Variants in ADGRL3 observed in about 807,000 individuals in gnomAD.
ADGRL3 encodes the protein calcium-independent alpha-latrotoxin receptor 3.
In ADGRL3, 62 loss-of-function variants were observed where a neutral mutation model predicts 153.5. The observed-to-expected ratio is 0.40, with a 90% CI of 0.33 to 0.50. The LOEUF is 0.50. Among genes scored for constraint, ADGRL3 ranks in the 20% least tolerant of loss-of-function variants. The pLI, the probability that ADGRL3 is intolerant of heterozygous loss-of-function variation, is 0.47. For missense variants in ADGRL3, 1,641 were observed against 1,859.4 expected (o/e 0.88, Z 2.16); for synonymous variants, 710 against 672.5 (o/e 1.06, Z -0.86).
chr4:61,964,459 A>C (rs1400009405), intron 17 of ADGRL3, among the ~76,000 whole-genome samples: 3 of 152,142 alleles, frequency 2.0e-5, no homozygotes, highest in Non-Finnish European at 4.4e-5. Context: ...TTTTCCTGAA[A>C]GAGAAATGTT....
At chr4:61,280,388 T>A (rs538281287) in intron 1 of ADGRL3, among the ~76,000 whole-genome samples, 89 of 149,334 alleles carry the variant, frequency 6.0e-4, no homozygotes, top group African/African-American at 2.0e-3. Context: ...ATTTCAGGCA[T>A]GAGCCACTGC....
At chr4:61,542,804 A>G (rs920677265) in intron 4 of ADGRL3, among the ~76,000 whole-genome samples, 1 of 152,174 alleles carries the variant, frequency 6.6e-6, no homozygotes, top group Non-Finnish European at 1.5e-5. Flanking sequence ...CCTTCACCTC[A>G]CATCCTCTCT....
At chr4:62,041,428 TTTA>T (rs2151636935) in intron 24 of ADGRL3, among the ~76,000 whole-genome samples, 1 of 152,206 alleles carries the variant, frequency 6.6e-6, no homozygotes, top group South Asian at 2.1e-4. Context: ...ATATTTGCTT[TTTA>T]TTATATAATA....
chr4:61,253,968 C>G (rs1285527452), intron 1 of ADGRL3, among the ~76,000 whole-genome samples: 1 of 152,108 alleles, frequency 6.6e-6, no homozygotes. Flanking sequence ...TAAGCCTCCA[C>G]CTATATGATT....
intron 1 of ADGRL3, among the ~76,000 whole-genome samples, chr4:61,317,566 T>C (rs775545730): frequency 1.3e-5 from 2 of 152,172 alleles, no homozygotes; most frequent in African/African-American, 4.8e-5. Context: ...AGGCCTATAA[T>C]AGTAGGTTTT....
chr4:61,659,910 A>AG (rs2094544996), intron 5 of ADGRL3, among the ~76,000 whole-genome samples: 1 of 151,174 alleles, frequency 6.6e-6, no homozygotes, highest in Non-Finnish European at 1.5e-5. Flanking sequence ...AAAAAAAAAA[A>AG]AAAAAAGCTG....
chr4:61,489,802 T>C (rs2098238171), intron 2 of ADGRL3, among the ~76,000 whole-genome samples: 1 of 152,048 alleles, frequency 6.6e-6, no homozygotes, highest in Non-Finnish European at 1.5e-5. Flanking sequence ...GTTTGAATAT[T>C]TAGGAGCAAT....
At chr4:61,844,577 T>A (rs375496518) in intron 9 of ADGRL3, among the ~76,000 whole-genome samples, 2,946 of 53,972 alleles carry the variant, frequency 0.055, 88 homozygotes, top group African/African-American at 0.08. Context: ...AAAAAAAAAA[T>A]ATATATATAT....
intron 1 of ADGRL3, among the ~76,000 whole-genome samples, chr4:61,353,916 C>A (rs564460069): frequency 6.6e-6 from 1 of 152,102 alleles, no homozygotes; most frequent in South Asian, 2.1e-4. Flanking sequence ...TACCATTTCC[C>A]TTACCATTTC....
chr4:61,222,852 T>C (rs975854070), intron 1 of ADGRL3, among the ~76,000 whole-genome samples: 4 of 152,170 alleles, frequency 2.6e-5, no homozygotes, highest in Non-Finnish European at 4.4e-5. Context: ...TCCTTAATTG[T>C]ATAAAAGGAA....
intron 2 of ADGRL3, chr4:61,385,919 GTATC>G (rs1357343670): frequency 6.6e-6 from 1 of 152,082 alleles, no homozygotes; most frequent in Admixed American, 6.6e-5. Flanking sequence ...GTATGTGTAT[GTATC>G]TATCTCTTTC....
chr4:61,779,660 A>AAAAGG (rs2097192503), intron 8 of ADGRL3, among the ~76,000 whole-genome samples: 1 of 145,520 alleles, frequency 6.9e-6, no homozygotes, highest in Admixed American at 6.8e-5. Context: ...AAAAAAAAAA[A>AAAAGG]GGGAGAGAAT....
At chr4:61,841,592 G>A (rs2098033566) in intron 9 of ADGRL3, among the ~76,000 whole-genome samples, 1 of 152,120 alleles carries the variant, frequency 6.6e-6, no homozygotes, top group African/African-American at 2.4e-5. Flanking sequence ...TCATACCTGA[G>A]GACAAATTCT....
chr4:61,478,937 C>T (rs947800898), intron 2 of ADGRL3, among the ~76,000 whole-genome samples: 5 of 151,988 alleles, frequency 3.3e-5, no homozygotes, highest in Admixed American at 2.0e-4. Flanking sequence ...CTAAAAAACT[C>T]TTAAGAGTTT....
intron 2 of ADGRL3, among the ~76,000 whole-genome samples, chr4:61,419,866 C>T (rs1412300291): frequency 6.6e-6 from 1 of 150,802 alleles, no homozygotes. Flanking sequence ...GCAATGTTGG[C>T]TCACTGCAGC....
chr4:61,628,062 A>G lies in ADGRL3; in HGVS notation c.473+40622A>G, dbSNP rs998700134. ...TAATAACATGATACACATTCTAATG[A>G]TAATGGTAATAGTAATAATAATAGC... On this transcript the variant is annotated intron_variant, in intron 5 of 26. Transcript: ENST00000683033. 2.0e-5 allele frequency among the ~76,000 whole-genome samples: 3 copies of G among 152,188 alleles called. 1 individual carries two copies. Among genetic ancestry groups the G allele is most frequent in the Non-Finnish European group, 1.5e-5 (1 of 68,048 alleles).
At chr4:62,025,351 G>A (rs1445506703) in intron 21 of ADGRL3, among the ~76,000 whole-genome samples, 1 of 152,050 alleles carries the variant, frequency 6.6e-6, no homozygotes, top group Non-Finnish European at 1.5e-5. Flanking sequence ...CTGTGACTAG[G>A]GGATTAGTAT....
chr4:61,886,512 G>A (rs2098539727), intron 9 of ADGRL3, among the ~76,000 whole-genome samples: 1 of 152,062 alleles, frequency 6.6e-6, no homozygotes, highest in Non-Finnish European at 1.5e-5. Context: ...AAACCATGAA[G>A]AAAGGTACAT....
intron 1 of ADGRL3, among the ~76,000 whole-genome samples, chr4:61,292,413 A>T (rs1397479425): frequency 6.6e-6 from 1 of 152,194 alleles, no homozygotes; most frequent in Non-Finnish European, 1.5e-5. Context: ...ACTACAACTT[A>T]TATGAAAGAG....
Sources: gnomAD v4.1 joint callset for allele counts (sites outside exome capture counted in the v4.1 genomes callset) on GRCh38, gnomAD v4.1.1 for gene constraint, MANE v1.5 for transcripts, NCBI Gene and HGNC (gene_info 2026-07-23, HGNC 2026-07-21) for gene names.